The following EPHB2 variants were observed in gnomAD, a reference collection of about 807,000 sequenced individuals.
The protein encoded by EPHB2 is ephrin type-B receptor 2.
A neutral mutation model predicts 96.4 loss-of-function variants in EPHB2; 18 were observed. The ratio of observed to expected loss-of-function variants is 0.19; its 90% confidence interval spans 0.13 to 0.28. The LOEUF (loss-of-function observed/expected upper bound fraction) is 0.28. Ranked by LOEUF, EPHB2 falls within the 10% of genes least tolerant of loss-of-function variation. The pLI is 1.00. For synonymous variants in EPHB2, 506 were observed against 534.1 expected (o/e 0.95, Z 0.72); for missense variants, 989 against 1,355.4 (o/e 0.73, Z 4.25).
intron 1 of EPHB2, among the ~76,000 whole-genome samples, chr1:22,777,929 C>T (rs1221969990): frequency 1.3e-5 from 2 of 152,216 alleles, no homozygotes. Context: ...GCTATACTTC[C>T]AGACTCGGAA....
At chr1:22,877,650 G>T (rs1403282854) in intron 5 of EPHB2, among the ~76,000 whole-genome samples, 2 of 152,174 alleles carry the variant, frequency 1.3e-5, no homozygotes, top group African/African-American at 4.8e-5. Flanking sequence ...AGGGGGGCAG[G>T]CTCAGCAGAA....
chr1:22,854,845 ACT>A, intron 3 of EPHB2, among the ~76,000 whole-genome samples: 1 of 152,096 alleles, frequency 6.6e-6, no homozygotes, highest in Non-Finnish European at 1.5e-5. Flanking sequence ...AGAGGGACTG[ACT>A]CTGCTGGGTT....
At chr1:22,877,634 C>T (rs1363486048) in intron 5 of EPHB2, among the ~76,000 whole-genome samples, 7 of 152,144 alleles carry the variant, frequency 4.6e-5, no homozygotes, top group Non-Finnish European at 1.0e-4. Flanking sequence ...GTAGCCCAGG[C>T]AGGTGAGGGG....
At chr1:22,723,178 T>G (rs1055037833) in intron 1 of EPHB2, among the ~76,000 whole-genome samples, 1 of 152,202 alleles carries the variant, frequency 6.6e-6, no homozygotes, top group African/African-American at 2.4e-5. Flanking sequence ...ATCTGAAACG[T>G]GTAAGTGGGG....
chr1:22,789,793 TTG>T (rs1403432618), intron 3 of EPHB2, among the ~76,000 whole-genome samples: 1 of 152,132 alleles, frequency 6.6e-6, no homozygotes, highest in African/African-American at 2.4e-5. Flanking sequence ...GGGGAAAGAA[TTG>T]TGCAACAATA....
chr1:22,896,437 C>G lies in EPHB2; in HGVS notation c.1724C>G (p.Ser575Trp), dbSNP rs146071874. The G allele has an allele frequency of 6.2e-7, 1 of 1,614,140 alleles. No homozygotes were observed. The highest frequency in any genetic ancestry group is 8.5e-7 in the Non-Finnish European group (1 of 1,180,014). ...CNRRGFERAD[S>W]EYTDKLQHYT... ...AGACGGGGGTTTGAGCGTGCTGACTCGGAGTACACGGACAAGCTGCAACAC... is the reference window on the plus strand; with the variant it reads ...AGACGGGGGTTTGAGCGTGCTGACTGGGAGTACACGGACAAGCTGCAACAC... Residue 575 changes from serine to tryptophan, a missense_variant, in exon 9 of 16, where the codon TCG (serine) becomes TGG (tryptophan). Transcript: ENST00000374630.
chr1:22,859,653 C>T (rs1645762185), intron 3 of EPHB2, among the ~76,000 whole-genome samples: 1 of 152,006 alleles, frequency 6.6e-6, no homozygotes, highest in African/African-American at 2.4e-5. Context: ...ATTAGCCAGG[C>T]ATGGTGGCAC....
Position 22,906,888 on chromosome 1 carries a change from G to T in EPHB2, c.2067G>T (p.Val689=). 6.2e-7 allele frequency: 1 copy of T among 1,614,168 alleles called. No homozygotes were observed. The highest frequency in any genetic ancestry group is 8.5e-7 in the Non-Finnish European group (1 of 1,180,038). Reference sequence around the variant, plus strand: ...ACGTCATCCACCTGGAGGGTGTCGTGACCAAGAGCACACCTGTGATGATCA... The same window carrying T: ...ACGTCATCCACCTGGAGGGTGTCGTTACCAAGAGCACACCTGTGATGATCA... ...HPNVIHLEGV[V]TKSTPVMIIT... The change falls in exon 11 of 16, where the codon GTG becomes GTT. Residue 689 remains valine, a synonymous_variant. Transcript: ENST00000374630. The surrounding 1 kb of genome is among the most constrained non-coding windows in gnomAD (Gnocchi z 4.8).
Position 22,906,864 on chromosome 1 carries a change from C to A in EPHB2, c.2043C>A (p.Asn681Lys), listed in dbSNP as rs753541903. 2 of 1,614,086 alleles carry A rather than the reference C, an allele frequency of 1.2e-6. No individual in the cohort carries two copies. Among genetic ancestry groups the A allele is most frequent in the African/African-American group, 2.7e-5 (2 of 74,954 alleles). The stretch of plus-strand genomic sequence containing the variant: ...TCATGGGCCAGTTCGACCATCCCAA[C>A]GTCATCCACCTGGAGGGTGTCGTGA... ...ASIMGQFDHP[N>K]VIHLEGVVTK... Residue 681 changes from asparagine to lysine, a missense_variant, in exon 11 of 16, where the codon AAC (asparagine) becomes AAA (lysine). Asn to Lys is a moderately conservative substitution (Grantham distance 94). Coordinates refer to ENST00000374630, the MANE Select transcript of EPHB2 (RefSeq NM_017449.5). This position sits in a 1 kb window ranked among gnomAD's most constrained non-coding sequence, Gnocchi z 4.8.
chr1:22,906,728 G>T lies in EPHB2; in HGVS notation c.1907G>T (p.Cys636Phe). Reference sequence around the variant, plus strand: ...CTCTCAGGGGAGTTTGGCGAGGTCTGCAGTGGCCACCTGAAGCTGCCAGGC... The same window carrying T: ...CTCTCAGGGGAGTTTGGCGAGGTCTTCAGTGGCCACCTGAAGCTGCCAGGC... ...VIGAGEFGEV[C>F]SGHLKLPGKR... Residue 636 changes from cysteine (C) to phenylalanine (F), a missense_variant, in exon 11 of 16, where the codon TGC becomes TTC. Physicochemically the swap from Cys to Phe is radical, Grantham distance 205. Coordinates refer to ENST00000374630, the MANE Select transcript of EPHB2 (RefSeq NM_017449.5). The surrounding 1 kb of genome is among the most constrained non-coding windows in gnomAD (Gnocchi z 4.8). 1 of 1,614,154 alleles carries T rather than the reference G, an allele frequency of 6.2e-7. No homozygotes were observed. The highest frequency in any genetic ancestry group is 8.5e-7 in the Non-Finnish European group (1 of 1,180,038).
chr1:22,809,122 C>T (rs1644969455), intron 3 of EPHB2, among the ~76,000 whole-genome samples: 1 of 152,238 alleles, frequency 6.6e-6, no homozygotes, highest in Admixed American at 6.5e-5. Flanking sequence ...CTCTGCAGGC[C>T]CTTTTAAGTC....
intron 1 of EPHB2, among the ~76,000 whole-genome samples, chr1:22,711,254 G>C (rs1246033442): frequency 1.4e-5 from 2 of 147,440 alleles, no homozygotes; most frequent in Non-Finnish European, 3.0e-5. Flanking sequence ...GACTGTGCCA[G>C]GAGGAGGCGA....
In EPHB2 at chr1:22,711,066, G is replaced by A. The variant is rs750287805; in HGVS notation, c.61+23G>A. ...AAGGTGAGCGAGCGGGCGGGCGGGCGGGCGATGGGGGCGGGGAGCGGCCGG... is the reference window on the plus strand; with the variant it reads ...AAGGTGAGCGAGCGGGCGGGCGGGCAGGCGATGGGGGCGGGGAGCGGCCGG... On this transcript the variant is annotated intron_variant, in intron 1 of 15. Transcript: ENST00000374630. 4.7e-5 allele frequency: 7 copies of A among 148,006 alleles called. 1 individual carries two copies. In the South Asian group the frequency reaches 1.2e-3, roughly 26 times the overall value. 9.2% of individuals were successfully genotyped at this position (148,006 alleles called of 1,614,324 possible). A position where few individuals can be genotyped will look rare whatever the true frequency, so the allele number is the denominator to read the frequency against.
chr1:22,769,491 C>A (rs1644349907), intron 1 of EPHB2, among the ~76,000 whole-genome samples: 1 of 152,224 alleles, frequency 6.6e-6, no homozygotes, highest in African/African-American at 2.4e-5. Flanking sequence ...ACTGCAACCT[C>A]TGCCTCCTGG....
intron 3 of EPHB2, among the ~76,000 whole-genome samples, chr1:22,819,205 G>GTCCC (rs1553167361): frequency 1.9e-5 from 2 of 103,394 alleles, no homozygotes; most frequent in African/African-American, 7.3e-5. Flanking sequence ...CCCAGCAGAT[G>GTCCC]TCTCTCTCTC....
In EPHB2 at chr1:22,710,896, CT is replaced by C. The variant is rs1418945899; in HGVS notation, c.-86del. The stretch of plus-strand genomic sequence containing the variant: ...TGTGCGCCGCGCCTTGCCGCCCCCC[CT>C]GGCCCCCCGAGCCCGGGGCGCGCGC... On this transcript the variant is annotated 5_prime_UTR_variant, in exon 1 of 16. Transcript: ENST00000374630. 3.9e-4 allele frequency: 57 copies of C among 146,284 alleles called. No individual in the cohort carries two copies. Among genetic ancestry groups the C allele is most frequent in the African/African-American group, 1.1e-3 (44 of 40,860 alleles). 9.1% of individuals were successfully genotyped at this position (146,284 alleles called of 1,614,324 possible).
At chr1:22,847,975 C>T (rs952707338) in intron 3 of EPHB2, among the ~76,000 whole-genome samples, 1 of 152,152 alleles carries the variant, frequency 6.6e-6, no homozygotes, top group African/African-American at 2.4e-5. Flanking sequence ...TCTCTCTCCC[C>T]TGCTAGACGG....
In EPHB2 at chr1:22,796,283, TG is replaced by T. The variant is rs916842491; in HGVS notation, c.811+11213del. Among the ~76,000 whole-genome samples the T allele has an allele frequency of 4.6e-4, 70 of 152,138 alleles. 1 individual carries two copies. The highest frequency in any genetic ancestry group is 1.6e-3 in the African/African-American group (67 of 41,520). On this transcript the variant is annotated intron_variant, in intron 3 of 15. Coordinates refer to ENST00000374630, the MANE Select transcript of EPHB2 (RefSeq NM_017449.5). Reference sequence around the variant, plus strand: ...GGATGGGCTGCGTAGCCCCCATGGCTGGGGGGCCAGGGGTTATCCTGCGGGG... The same window carrying T: ...GGATGGGCTGCGTAGCCCCCATGGCTGGGGGCCAGGGGTTATCCTGCGGGG...
intron 14 of EPHB2, among the ~76,000 whole-genome samples, chr1:22,911,472 C>T (rs1570473038): frequency 6.6e-6 from 1 of 152,166 alleles, no homozygotes; most frequent in South Asian, 2.1e-4. Context: ...CCATCTGTGC[C>T]CCCACACTGA....
Sources: gnomAD v4.1 joint callset for allele counts (sites outside exome capture counted in the v4.1 genomes callset) on GRCh38, gnomAD v4.1.1 for gene constraint, Gnocchi (gnomAD v3.1) non-coding constraint, MANE v1.5 for transcripts, NCBI Gene and HGNC (gene_info 2026-07-23, HGNC 2026-07-21) for gene names.